PTPRD: variants seen among roughly 807,000 people sequenced by gnomAD.
PTPRD encodes protein tyrosine phosphatase receptor type D.
PTPRD carries 34 observed loss-of-function variants against 214.5 expected under a neutral mutation model. The ratio of observed to expected loss-of-function variants is 0.16; its 90% CI spans 0.12 to 0.21. The LOEUF (loss-of-function observed/expected upper bound fraction) is 0.21, where lower values mean the gene tolerates loss of function less well. PTPRD is among the 10% of genes least tolerant of loss of function. The probability of loss-of-function intolerance (pLI) is 1.00; values close to 1 mark genes in which losing one functional copy is unlikely to be tolerated. For synonymous variants in PTPRD, 1,128 were observed against 845.7 expected (o/e 1.33, Z -5.79); for missense variants, 2,545 against 2,398.7 (o/e 1.06, Z -1.27).
At chr9:8,982,014 G>C (rs1735178831) in intron 11 of PTPRD, among the ~76,000 whole-genome samples, 1 of 151,916 alleles carries the variant, frequency 6.6e-6, no homozygotes, top group South Asian at 2.1e-4. Flanking sequence ...TGAAAGTTAA[G>C]GTATGGGTAA....
intron 5 of PTPRD, among the ~76,000 whole-genome samples, chr9:9,924,907 T>A (rs1031561503): frequency 3.3e-5 from 5 of 152,120 alleles, no homozygotes; most frequent in Non-Finnish European, 5.9e-5. Context: ...TGCTTTCAAC[T>A]CCTAGCTAGA....
chr9:10,273,921 G>C (rs767846453), intron 3 of PTPRD, among the ~76,000 whole-genome samples: 4 of 152,084 alleles, frequency 2.6e-5, no homozygotes, highest in Non-Finnish European at 5.9e-5. Context: ...GAAAACAAAA[G>C]TTTTTAGCTA....
Position 10,050,100 on chromosome 9 carries a change from G to T in PTPRD, c.-544-16310C>A, listed in dbSNP as rs116020240. On this transcript the variant is annotated intron_variant, in intron 3 of 45. Transcript: ENST00000381196. ...AATAGGTTCAAAATAAATATCTGTC[G>T]AATTAAAGGACCAATGGGAATTAGA... Among the ~76,000 whole-genome samples, 80 of 152,066 alleles carry T rather than the reference G, an allele frequency of 5.3e-4. No homozygotes were observed. In the South Asian group the frequency reaches 0.016, roughly 30 times the overall value.
chr9:9,755,364 G>A (rs2098557921), intron 6 of PTPRD, among the ~76,000 whole-genome samples: 1 of 151,970 alleles, frequency 6.6e-6, no homozygotes, highest in Non-Finnish European at 1.5e-5. Context: ...GTACTAAAAA[G>A]ACAGGAAAAA....
intron 4 of PTPRD, among the ~76,000 whole-genome samples, chr9:10,013,825 T>C (rs1231607439): frequency 6.6e-6 from 1 of 152,006 alleles, no homozygotes; most frequent in Non-Finnish European, 1.5e-5. Context: ...CATAATAATG[T>C]TCTAGAATTT....
intron 3 of PTPRD, among the ~76,000 whole-genome samples, chr9:10,215,593 T>C (rs2099537497): frequency 6.6e-6 from 1 of 152,038 alleles, no homozygotes; most frequent in African/African-American, 2.4e-5. Flanking sequence ...TTTGATATTA[T>C]CTAGTTATTT....
chr9:10,568,726 A>T (rs1308581399), intron 2 of PTPRD, among the ~76,000 whole-genome samples: 1 of 152,176 alleles, frequency 6.6e-6, no homozygotes, highest in Non-Finnish European at 1.5e-5. Context: ...CATATGTAGA[A>T]AGCTAAAACT....
At chr9:9,361,768 C>A (rs1398909148) in intron 9 of PTPRD, among the ~76,000 whole-genome samples, 1 of 150,992 alleles carries the variant, frequency 6.6e-6, no homozygotes, top group Non-Finnish European at 1.5e-5. Context: ...TTTCTCATGT[C>A]CACATGGAAG....
intron 11 of PTPRD, among the ~76,000 whole-genome samples, chr9:8,940,280 C>CTCCTTTGTTTT (rs2099023955): frequency 5.6e-5 from 5 of 89,054 alleles, no homozygotes; most frequent in East Asian, 3.5e-4. Context: ...TCTCTCTCTC[C>CTCCTTTGTTTT]TTTTTTTTTT....
rs563461210 is a variant in PTPRD, at chr9:9,219,023, G to C, written c.-202-35660C>G. Among the ~76,000 whole-genome samples, 11 of 152,152 alleles carry C rather than the reference G, an allele frequency of 7.2e-5. No homozygotes were observed. In the South Asian group the frequency reaches 1.7e-3, roughly 23 times the overall value. On this transcript the variant is annotated intron_variant, in intron 9 of 45. Transcript: ENST00000381196. ...CTACAAGGAAAGGAAGGGGTACTTT[G>C]GTACACAATTTTTCCACTAAACAAA...
intron 12 of PTPRD, among the ~76,000 whole-genome samples, chr9:8,711,786 G>A (rs1298519105): frequency 6.6e-6 from 1 of 152,172 alleles, no homozygotes; most frequent in Non-Finnish European, 1.5e-5. Context: ...GCCCATAAAT[G>A]TTTATTGTAG....
At position 8,316,802 on chromosome 9, in the gene PTPRD, G is replaced by GAAAT; in HGVS notation, c.*1068_*1071dup. The GAAAT allele has an allele frequency of 4.3e-6, 1 of 231,058 alleles. No homozygotes were observed. Among genetic ancestry groups the GAAAT allele is most frequent in the East Asian group, 6.1e-5 (1 of 16,310 alleles). The allele number at this position is 231,058 out of a possible 1,614,324, so 14.3% of individuals were successfully genotyped here. A position where few individuals can be genotyped will look rare whatever the true frequency, so the allele number is the denominator to read the frequency against. On this transcript the variant is annotated 3_prime_UTR_variant, in exon 46 of 46. Transcript: ENST00000381196. ...TGTGCATTCCTCATTTCCCTTTAAA[G>GAAAT]AAATACCAATATGTCAAAAAATTAA...
At chr9:10,328,057 A>T (rs1404081932) in intron 3 of PTPRD, among the ~76,000 whole-genome samples, 1 of 151,624 alleles carries the variant, frequency 6.6e-6, no homozygotes, top group Non-Finnish European at 1.5e-5. Context: ...ATGAGCTTCC[A>T]TCTTTAAAGC....
intron 11 of PTPRD, among the ~76,000 whole-genome samples, chr9:8,762,110 G>A (rs1598997389): frequency 6.6e-6 from 1 of 152,054 alleles, no homozygotes; most frequent in South Asian, 2.1e-4. Context: ...ATGTGTGTGT[G>A]TATATATATA....
At chr9:8,943,970 G>A (rs1384228989) in intron 11 of PTPRD, among the ~76,000 whole-genome samples, 1 of 151,650 alleles carries the variant, frequency 6.6e-6, no homozygotes, top group Non-Finnish European at 1.5e-5. Flanking sequence ...GACAACACAT[G>A]GAATGGGAGA....
At chr9:9,641,294 T>C (rs1007981714) in intron 7 of PTPRD, among the ~76,000 whole-genome samples, 2 of 152,188 alleles carry the variant, frequency 1.3e-5, no homozygotes, top group Admixed American at 6.5e-5. Flanking sequence ...AAATCTTTAA[T>C]TGTAAATGCA....
chr9:10,563,352 A>C (rs1453040733), intron 2 of PTPRD, among the ~76,000 whole-genome samples: 1 of 152,168 alleles, frequency 6.6e-6, no homozygotes, highest in Non-Finnish European at 1.5e-5. Flanking sequence ...AATAGCCAGA[A>C]GGAAGAAATG....
intron 11 of PTPRD, among the ~76,000 whole-genome samples, chr9:8,825,134 G>C (rs531019938): frequency 6.6e-6 from 1 of 151,944 alleles, no homozygotes; most frequent in Non-Finnish European, 1.5e-5. Flanking sequence ...CTTTCTTTTT[G>C]AGGTCCCAAG....
chr9:9,573,791 G>C (rs553495898), intron 8 of PTPRD, among the ~76,000 whole-genome samples: 87 of 151,822 alleles, frequency 5.7e-4, no homozygotes, highest in Middle Eastern at 3.4e-3. Flanking sequence ...ACAATCCTAT[G>C]TTATGTTGAG....
Sources: gnomAD v4.1 joint callset for allele counts (sites outside exome capture counted in the v4.1 genomes callset) on GRCh38, gnomAD v4.1.1 for gene constraint, MANE v1.5 for transcripts, NCBI Gene and HGNC (gene_info 2026-07-23, HGNC 2026-07-21) for gene names.